The following SIRPD variants were observed in gnomAD, a reference collection of about 807,000 sequenced individuals.
The protein encoded by SIRPD is signal-regulatory protein delta.
In SIRPD, 21 loss-of-function variants were observed where a neutral mutation model predicts 18.0. The observed-to-expected ratio is 1.17, with a 90% confidence interval of 0.83 to 1.68. The LOEUF is 1.68. Ranked by LOEUF, SIRPD falls within the 40% of genes most tolerant of loss-of-function variation. The pLI is 0.00. For missense variants in SIRPD, 295 were observed against 238.4 expected, an observed-to-expected ratio of 1.24 and a Z score of -1.56; for synonymous variants, 106 against 92.9, an observed-to-expected ratio of 1.14 and a Z score of -0.81.
At chr20:1,557,055 C>A (rs986617822) in intron 1 of SIRPD, among the ~76,000 whole-genome samples, 2 of 152,060 alleles carry the variant, frequency 1.3e-5, no homozygotes, top group Non-Finnish European at 2.9e-5. Context: ...AAGTTTGAGA[C>A]CAGCCTGGGC....
chr20:1,536,659 A>G (rs143464151), intron 3 of SIRPD, among the ~76,000 whole-genome samples: 1 of 152,304 alleles, frequency 6.6e-6, no homozygotes, highest in East Asian at 1.9e-4. Flanking sequence ...TTGCATGTGT[A>G]GTACTTGTTG....
intron 2 of SIRPD, 133 bp downstream of exon 2, chr20:1,551,558 G>A: frequency 2.7e-6 from 2 of 733,002 alleles, no homozygotes; most frequent in South Asian, 2.0e-5. Context: ...CTTGCTGAGA[G>A]AATTAAAAAG....
chr20:1,552,561 G>A (rs2091024201), intron 1 of SIRPD, among the ~76,000 whole-genome samples: 1 of 152,044 alleles, frequency 6.6e-6, no homozygotes, highest in Non-Finnish European at 1.5e-5. Context: ...ACAGCATATG[G>A]TTCCACTACT....
At chr20:1,540,185 C>T in intron 2 of SIRPD, 1 of 410,890 alleles carries the variant, frequency 2.4e-6, no homozygotes, top group Non-Finnish European at 4.8e-6. Context: ...ATGCTGCTGA[C>T]AGGCCAGGGA....
chr20:1,534,586 C>T (rs993320166), intron 3 of SIRPD, 145 bp from the exon 4 acceptor site: 1 of 707,846 alleles, frequency 1.4e-6, no homozygotes, highest in African/African-American at 1.8e-5. Flanking sequence ...GAGGCAGGCG[C>T]TCCCACATAC....
At chr20:1,555,347 G>A (rs2091035848) in intron 1 of SIRPD, among the ~76,000 whole-genome samples, 1 of 152,210 alleles carries the variant, frequency 6.6e-6, no homozygotes, top group Non-Finnish European at 1.5e-5. Context: ...TGGAGAGTTG[G>A]ACAAGGAAAT....
intron 3 of SIRPD, among the ~76,000 whole-genome samples, chr20:1,535,393 G>T (rs1456472975): frequency 6.6e-6 from 1 of 152,138 alleles, no homozygotes; most frequent in African/African-American, 2.4e-5. Flanking sequence ...TCCTCAATGT[G>T]CAGTATTGAG....
chr20:1,538,805 C>G (rs756876009), intron 2 of SIRPD, among the ~76,000 whole-genome samples: 1 of 152,214 alleles, frequency 6.6e-6, no homozygotes, highest in African/African-American at 2.4e-5. Context: ...GATGACCCAG[C>G]AGTTGAGTCA....
intron 2 of SIRPD, among the ~76,000 whole-genome samples, chr20:1,549,615 GGT>G (rs2091009635): frequency 1.3e-5 from 2 of 152,042 alleles, no homozygotes; most frequent in South Asian, 4.2e-4. Flanking sequence ...ACAGGGAAAA[GGT>G]GGGTTTTGGT....
Position 1,550,374 on chromosome 20 carries a change from G to T in SIRPD, c.421+1317C>A, listed in dbSNP as rs564054590. On this transcript the variant is annotated intron_variant, in intron 2 of 3. Transcript: ENST00000381623. ...ACTCATTTGTGAAGGTTGGTAGGAA[G>T]AAGCTGTCTTTCCACCTTGGTTGTA... Among the ~76,000 whole-genome samples, 32 of 152,334 alleles carry T rather than the reference G, an allele frequency of 2.1e-4. No homozygotes were observed. In the Middle Eastern group the frequency reaches 0.024, roughly 113 times the overall value.
In SIRPD at chr20:1,537,246, A is replaced by C; in HGVS notation, c.486T>G (p.Asp162Glu). 1 of 1,614,146 alleles carries C rather than the reference A, an allele frequency of 6.2e-7. No individual in the cohort carries two copies. Among genetic ancestry groups the C allele is most frequent in the Non-Finnish European group, 8.5e-7 (1 of 1,180,012 alleles). ...GCAGGGCCGAGAGGCAGGTATGGGC[A>C]TCATGGTGGGCCCTGGAGCCTGCTC... ...AGRAGSRAHH[D>E]AHTCLSALPE... Residue 162 changes from aspartate to glutamate, a missense_variant, in exon 3 of 4, where the codon GAT becomes GAG. Coordinates refer to ENST00000381623, the MANE Select transcript of SIRPD (RefSeq NM_178460.3).
At chr20:1,555,316 T>C (rs1782058565) in intron 1 of SIRPD, among the ~76,000 whole-genome samples, 1 of 152,204 alleles carries the variant, frequency 6.6e-6, no homozygotes, top group African/African-American at 2.4e-5. Flanking sequence ...AATAGAATGT[T>C]GTTACCAGGG....
intron 1 of SIRPD, among the ~76,000 whole-genome samples, chr20:1,555,129 A>C (rs1288388233): frequency 1.3e-5 from 2 of 152,184 alleles, no homozygotes; most frequent in Non-Finnish European, 2.9e-5. Flanking sequence ...ACACACAAAC[A>C]TGCAGTAGAA....
At chr20:1,543,718 A>G (rs1049388758) in intron 2 of SIRPD, among the ~76,000 whole-genome samples, 2 of 152,074 alleles carry the variant, frequency 1.3e-5, no homozygotes, top group African/African-American at 4.8e-5. Context: ...TAGGGTGTCT[A>G]TTTTAGATCT....
intron 3 of SIRPD, among the ~76,000 whole-genome samples, chr20:1,536,685 T>C (rs1046775297): frequency 1.3e-5 from 2 of 152,170 alleles, no homozygotes; most frequent in African/African-American, 4.8e-5. Context: ...TATCTACCTA[T>C]CTATCTATCT....
chr20:1,539,173 G>A (rs921595758), intron 2 of SIRPD, among the ~76,000 whole-genome samples: 3 of 152,118 alleles, frequency 2.0e-5, no homozygotes, highest in Admixed American at 6.5e-5. Context: ...AGTTTAATGT[G>A]CAGTATTTTA....
chr20:1,551,126 A>G (rs1275869797), intron 2 of SIRPD, among the ~76,000 whole-genome samples: 1 of 152,224 alleles, frequency 6.6e-6, no homozygotes, highest in Non-Finnish European at 1.5e-5. Flanking sequence ...TCACATTATT[A>G]GAGGTCCAGA....
intron 2 of SIRPD, among the ~76,000 whole-genome samples, chr20:1,546,359 T>C (rs1452345895): frequency 6.6e-6 from 1 of 152,240 alleles, no homozygotes; most frequent in Non-Finnish European, 1.5e-5. Flanking sequence ...CCTTTTGTGA[T>C]TTTATTCTTT....
intron 3 of SIRPD, among the ~76,000 whole-genome samples, chr20:1,534,876 T>C (rs1181200929): frequency 6.6e-6 from 1 of 152,230 alleles, no homozygotes; most frequent in African/African-American, 2.4e-5. Flanking sequence ...TGAAATGCAA[T>C]TTCCCAATAA....
Sources: allele counts gnomAD v4.1 joint callset (sites outside exome capture counted in the v4.1 genomes callset), GRCh38; gene constraint gnomAD v4.1.1; transcripts MANE v1.5; gene names NCBI Gene and HGNC (gene_info 2026-07-23, HGNC 2026-07-21).